CACNB4: variants seen among roughly 807,000 people sequenced by gnomAD.
The protein encoded by CACNB4 is voltage-dependent L-type calcium channel subunit beta-4.
CACNB4 carries 32 observed loss-of-function variants against 71.2 expected under a neutral mutation model. The ratio of observed to expected loss-of-function variants is 0.45; its 90% CI spans 0.34 to 0.60. The LOEUF is 0.60. Among genes scored for constraint, CACNB4 ranks in the 20% least tolerant of loss-of-function variants. CACNB4 has a pLI of 0.01. For synonymous variants in CACNB4, 231 were observed against 236.9 expected (o/e 0.97, Z 0.23); for missense variants, 464 against 647.9 (o/e 0.72, Z 3.08).
chr2:151,987,007 G>A (rs575331112), intron 2 of CACNB4, among the ~76,000 whole-genome samples: 2 of 152,318 alleles, frequency 1.3e-5, no homozygotes, highest in South Asian at 2.1e-4. Flanking sequence ...AACACCAAGT[G>A]CTGACAACCA....
intron 2 of CACNB4, among the ~76,000 whole-genome samples, chr2:151,900,689 G>C (rs1049137465): frequency 9.2e-5 from 14 of 152,168 alleles, no homozygotes; most frequent in Non-Finnish European, 1.9e-4. Context: ...GATCGAAAAG[G>C]ATGCACTGGG....
intron 2 of CACNB4, among the ~76,000 whole-genome samples, chr2:152,062,509 A>C (rs927806686): frequency 1.3e-5 from 2 of 152,236 alleles, no homozygotes; most frequent in Non-Finnish European, 2.9e-5. Context: ...TCTGACAGAT[A>C]CATGCATTCC....
At chr2:151,998,086 G>A (rs1179366434) in intron 2 of CACNB4, among the ~76,000 whole-genome samples, 1 of 152,172 alleles carries the variant, frequency 6.6e-6, no homozygotes, top group African/African-American at 2.4e-5. Flanking sequence ...ACTTTGGGAG[G>A]CCAAGGTGGG....
intron 2 of CACNB4, among the ~76,000 whole-genome samples, chr2:152,068,625 C>T (rs944109269): frequency 6.6e-6 from 1 of 152,182 alleles, no homozygotes; most frequent in Non-Finnish European, 1.5e-5. Context: ...CCAGTCCTAA[C>T]ACCCAGATGG....
chr2:151,986,870 T>C (rs1184924848), intron 2 of CACNB4, among the ~76,000 whole-genome samples: 8 of 152,118 alleles, frequency 5.3e-5, no homozygotes, highest in African/African-American at 1.9e-4. Context: ...CATTGAATTG[T>C]TACAAATCAC....
intron 2 of CACNB4, among the ~76,000 whole-genome samples, chr2:152,083,191 A>G (rs909642011): frequency 4.6e-5 from 7 of 152,070 alleles, no homozygotes; most frequent in African/African-American, 7.2e-5. Context: ...GTTCAATGAG[A>G]TTCAAGAAAT....
intron 2 of CACNB4, among the ~76,000 whole-genome samples, chr2:151,926,907 GT>G (rs2151589998): frequency 6.6e-6 from 1 of 152,240 alleles, no homozygotes; most frequent in African/African-American, 2.4e-5. Flanking sequence ...TTGCCTTTGG[GT>G]GTCTAACTCT....
intron 2 of CACNB4, among the ~76,000 whole-genome samples, chr2:151,995,229 T>C (rs1257503532): frequency 7.0e-6 from 1 of 143,700 alleles, no homozygotes; most frequent in East Asian, 2.1e-4. Context: ...TTGGGTACTT[T>C]ATATGACAAA....
intron 2 of CACNB4, among the ~76,000 whole-genome samples, chr2:151,976,372 C>T (rs2099873806): frequency 6.6e-6 from 1 of 152,296 alleles, no homozygotes; most frequent in African/African-American, 2.4e-5. Context: ...CCACTTCCTC[C>T]GTGATAAGAG....
Position 151,890,097 on chromosome 2 carries a change from A to G in CACNB4, c.148-6727T>C, listed in dbSNP as rs188841464. 8.5e-4 allele frequency among the ~76,000 whole-genome samples: 130 copies of G among 152,266 alleles called. No individual in the cohort carries two copies. In the East Asian group the frequency reaches 9.1e-3, roughly 11 times the overall value. On this transcript the variant is annotated intron_variant, in intron 2 of 13. Coordinates refer to ENST00000539935, the MANE Select transcript of CACNB4 (RefSeq NM_000726.5). ...GAGCGCTTGATAAGTATACATTCCC[A>G]GCACGTTGGTGGAGTGAGGAACTCT... is the stretch of plus-strand genomic sequence containing the variant.
intron 2 of CACNB4, among the ~76,000 whole-genome samples, chr2:152,014,180 C>T (rs1683214716): frequency 1.3e-5 from 2 of 151,968 alleles, no homozygotes; most frequent in Admixed American, 6.6e-5. Context: ...AACCCCATCT[C>T]TACTAAAATT....
chr2:151,872,194 A>G, intron 6 of CACNB4: 1 of 477,924 alleles, frequency 2.1e-6, no homozygotes, highest in Non-Finnish European at 3.7e-6. Context: ...CTGAGGGGTA[A>G]ATAAGATTTT....
At chr2:151,919,326 G>T (rs2099858333) in intron 2 of CACNB4, among the ~76,000 whole-genome samples, 1 of 152,096 alleles carries the variant, frequency 6.6e-6, no homozygotes, top group Non-Finnish European at 1.5e-5. Flanking sequence ...CACACTCCTG[G>T]GCTCAAGTGA....
In CACNB4 at chr2:151,999,362, C is replaced by A. The variant is rs79201350; in HGVS notation, c.147+98968G>T. ...AGTTGATGGTACCTTATTCTGTCTG[C>A]CCGCCCTGTTATGGTTTTTTTTTTT... On this transcript the variant is annotated intron_variant, in intron 2 of 13. Coordinates refer to ENST00000539935, the MANE Select transcript of CACNB4 (RefSeq NM_000726.5). 1.5e-3 allele frequency among the ~76,000 whole-genome samples: 197 copies of A among 132,336 alleles called. 2 individuals carry two copies. Among genetic ancestry groups the A allele is most frequent in the African/African-American group, 5.0e-3 (182 of 36,454 alleles). The allele number at this position is 132,336 out of a possible 152,430, so 86.8% of individuals were successfully genotyped here.
At chr2:151,933,044 A>G (rs2099862025) in intron 2 of CACNB4, among the ~76,000 whole-genome samples, 1 of 151,868 alleles carries the variant, frequency 6.6e-6, no homozygotes, top group South Asian at 2.1e-4. Context: ...TTGGACTTGT[A>G]GCTTTCAGAA....
intron 2 of CACNB4, among the ~76,000 whole-genome samples, chr2:152,001,526 TAAAAAAAAAAAAAAA>T (rs70974816): frequency 2.0e-4 from 7 of 35,488 alleles, no homozygotes; most frequent in South Asian, 2.3e-3. Context: ...CCATCTCTAC[TAAAAAAAAAAAAAAA>T]AAAAAAAAAA....
In CACNB4 at chr2:151,984,830, T is replaced by C. The variant is rs146633160; in HGVS notation, c.148-101460A>G. ...CTTGCCTCCTGCCATCTCTACAACA[T>C]ACTTCTCATATTTCGTATTTCAGCC... is the stretch of plus-strand genomic sequence containing the variant. On this transcript the variant is annotated intron_variant, in intron 2 of 13. Coordinates refer to ENST00000539935, the MANE Select transcript of CACNB4 (RefSeq NM_000726.5). Among the ~76,000 whole-genome samples, 317 of 152,278 alleles carry C rather than the reference T, an allele frequency of 2.1e-3. 1 individual carries two copies. Among genetic ancestry groups the C allele is most frequent in the African/African-American group, 7.5e-3 (310 of 41,586 alleles).
chr2:151,975,471 C>A (rs1314816357), intron 2 of CACNB4, among the ~76,000 whole-genome samples: 4 of 152,160 alleles, frequency 2.6e-5, no homozygotes, highest in Non-Finnish European at 4.4e-5. Context: ...CCTTCAGAAT[C>A]CTAAAATGGT....
chr2:152,021,533 A>G (rs1683668071), intron 2 of CACNB4, among the ~76,000 whole-genome samples: 1 of 152,232 alleles, frequency 6.6e-6, no homozygotes, highest in Non-Finnish European at 1.5e-5. Flanking sequence ...TATTGGTGAA[A>G]ACATGGTGAA....
Sources: gnomAD v4.1 joint callset for allele counts (sites outside exome capture counted in the v4.1 genomes callset) on GRCh38, gnomAD v4.1.1 for gene constraint, MANE v1.5 for transcripts, NCBI Gene and HGNC (gene_info 2026-07-23, HGNC 2026-07-21) for gene names.